Variants in ITGA1 observed in about 807,000 individuals in gnomAD.
ITGA1 encodes the protein integrin subunit alpha 1.
ITGA1 carries 85 observed loss-of-function variants against 145.9 expected under a neutral mutation model. The ratio of observed to expected loss-of-function variants is 0.58; its 90% CI spans 0.49 to 0.70. The LOEUF is 0.70. Among genes scored for constraint, ITGA1 ranks in the 30% least tolerant of loss-of-function variants. ITGA1 has a pLI of 0.00. For missense variants in ITGA1, 1,351 were observed against 1,418.7 expected, an observed-to-expected ratio of 0.95 and a Z score of 0.77; for synonymous variants, 520 against 495.3, an observed-to-expected ratio of 1.05 and a Z score of -0.66.
intron 9 of ITGA1, among the ~76,000 whole-genome samples, chr5:52,895,106 G>GA (rs201714874): frequency 3.4e-4 from 51 of 150,416 alleles, no homozygotes; most frequent in African/African-American, 1.1e-3. Flanking sequence ...CTCTTTCAAT[G>GA]AAAAAAAAAT....
chr5:52,802,481 T>C (rs1271301441), intron 1 of ITGA1: 1 of 152,206 alleles, frequency 6.6e-6, no homozygotes, highest in Admixed American at 6.5e-5. Context: ...TCATATTTGA[T>C]TTAGAGGGTA....
chr5:52,866,977 C>A lies in ITGA1; in HGVS notation c.624+1160C>A, dbSNP rs1385887772. The A allele has an allele frequency of 3.4e-5, 5 of 148,940 alleles. No homozygotes were observed. In the East Asian group the frequency reaches 9.8e-4, roughly 29 times the overall value. The allele number at this position is 148,940 out of a possible 1,614,324, so 9.2% of individuals were successfully genotyped here. ...TGGAGGCTGTAGAGAGCATAGGAGA[C>A]TTTAAGATTATAGTACTGCAATCAA... On this transcript the variant is annotated intron_variant, in intron 6 of 28. Transcript: ENST00000282588.
chr5:52,865,691 A>T lies in ITGA1; in HGVS notation c.498A>T (p.Glu166Asp), dbSNP rs754847322. ...QVVNSIAPVQ[E>D]CSTQLDIVIV... ...GACAATTGACTCCTTTTATTGCAGA[A>T]TGCAGCACTCAACTGGACATAGTCA... Residue 166 changes from glutamate to aspartate, a missense_variant and splice_region_variant, in exon 6 of 29, where the codon GAA becomes GAT. By Grantham distance (45) the Glu-to-Asp change is conservative (BLOSUM62 2). Transcript: ENST00000282588. 2 of 1,546,954 alleles carry T rather than the reference A, an allele frequency of 1.3e-6. No homozygotes were observed. Among genetic ancestry groups the T allele is most frequent in the Admixed American group, 2.2e-5 (1 of 45,682 alleles).
At chr5:52,903,516 A>G (rs1268770764) in intron 11 of ITGA1, 2 of 152,240 alleles carry the variant, frequency 1.3e-5, no homozygotes, top group African/African-American at 4.8e-5. Flanking sequence ...ATAAAGGATA[A>G]TATGCCTGAG....
At chr5:52,835,571 G>T (rs985936409) in intron 1 of ITGA1, among the ~76,000 whole-genome samples, 1 of 152,142 alleles carries the variant, frequency 6.6e-6, no homozygotes, top group Non-Finnish European at 1.5e-5. Flanking sequence ...AGATTGGAAA[G>T]GTCAAATGAG....
At chr5:52,855,571 C>T (rs1161723165) in intron 2 of ITGA1, among the ~76,000 whole-genome samples, 1 of 151,990 alleles carries the variant, frequency 6.6e-6, no homozygotes, top group Non-Finnish European at 1.5e-5. Context: ...TTATATTCTA[C>T]TGGGGAATAG....
At chr5:52,836,279 G>T (rs1411064157) in intron 1 of ITGA1, among the ~76,000 whole-genome samples, 1 of 152,142 alleles carries the variant, frequency 6.6e-6, no homozygotes, top group Non-Finnish European at 1.5e-5. Flanking sequence ...AAGAGGCAAT[G>T]GTCCATCCAG....
At chr5:52,915,723 C>A in intron 15 of ITGA1, 129 bp downstream of exon 15, 1 of 1,124,686 alleles carries the variant, frequency 8.9e-7, no homozygotes, top group Non-Finnish European at 1.3e-6. Context: ...ACAAGTTATT[C>A]AGTTGAGTGA....
chr5:52,828,097 T>C (rs1220918294), intron 1 of ITGA1, among the ~76,000 whole-genome samples: 3 of 152,230 alleles, frequency 2.0e-5, no homozygotes, highest in African/African-American at 7.2e-5. Context: ...TTGTGAATAT[T>C]ACTGCTATGA....
intron 9 of ITGA1, among the ~76,000 whole-genome samples, chr5:52,895,935 T>C (rs1304161499): frequency 6.6e-6 from 1 of 152,216 alleles, no homozygotes; most frequent in Non-Finnish European, 1.5e-5. Context: ...CCTGTCAACA[T>C]GTATCTTAAG....
At position 52,801,186 on chromosome 5, in the gene ITGA1, GT is replaced by G. The variant is rs145206065; in HGVS notation, c.61+12776del. On this transcript the variant is annotated intron_variant, in intron 1 of 28. Transcript: ENST00000282588. ...GGGATTGGTATAAACTACTCCTAAA[GT>G]TTTAGAACTGGGAAAAATAAGAAGA... 8.9e-4 allele frequency: 1,277 copies of G among 1,440,512 alleles called. 13 individuals are homozygous for G. The African/African-American group carries it at 0.016, about 18-fold the overall frequency. 89.2% of individuals were successfully genotyped at this position (1,440,512 alleles called of 1,614,324 possible).
At chr5:52,901,878 T>A (rs2111835520) in intron 11 of ITGA1, 1 of 152,330 alleles carries the variant, frequency 6.6e-6, no homozygotes, top group African/African-American at 2.4e-5. Context: ...CAGAAATTAT[T>A]TCATTAGCTT....
chr5:52,816,325 T>C (rs1282377338), intron 1 of ITGA1, among the ~76,000 whole-genome samples: 1 of 152,220 alleles, frequency 6.6e-6, no homozygotes, highest in Non-Finnish European at 1.5e-5. Context: ...ATAAAGATCA[T>C]TTCTTTATGA....
At chr5:52,889,139 C>G (rs1750103120) in intron 8 of ITGA1, among the ~76,000 whole-genome samples, 1 of 151,476 alleles carries the variant, frequency 6.6e-6, no homozygotes, top group African/African-American at 2.4e-5. Flanking sequence ...CTCGCTCTGT[C>G]ACCCAGGCTG....
At chr5:52,941,157 A>C (rs899274331) in intron 26 of ITGA1, among the ~76,000 whole-genome samples, 17 of 151,834 alleles carry the variant, frequency 1.1e-4, no homozygotes, top group African/African-American at 3.9e-4. Flanking sequence ...ATATGTACAT[A>C]TTTTCTTTAT....
chr5:52,875,729 C>A (rs1749856393), intron 6 of ITGA1, among the ~76,000 whole-genome samples: 1 of 152,174 alleles, frequency 6.6e-6, no homozygotes, highest in Non-Finnish European at 1.5e-5. Context: ...ACCTTTTTAG[C>A]TGTCATCCCT....
chr5:52,878,961 CAAAAAA>C lies in ITGA1; in HGVS notation c.625-2900_625-2895del, dbSNP rs33911483. On this transcript the variant is annotated intron_variant, in intron 6 of 28. Transcript: ENST00000282588. ...GGACCATGGAATCTAGTCTAAGTAC[CAAAAAA>C]AAAAAAAAAAATGGCAGTATTAATG... Among the ~76,000 whole-genome samples, 76 of 130,686 alleles carry C rather than the reference CAAAAAA, an allele frequency of 5.8e-4. 1 individual carries two copies. The highest frequency in any genetic ancestry group is 1.3e-3 in the African/African-American group (48 of 37,968). The allele number at this position is 130,686 out of a possible 152,430, so 85.7% of individuals were successfully genotyped here.
chr5:52,795,865 T>C (rs951034486), intron 1 of ITGA1, among the ~76,000 whole-genome samples: 1 of 152,036 alleles, frequency 6.6e-6, no homozygotes, highest in African/African-American at 2.4e-5. Context: ...ATTAGCTTTA[T>C]TGCGGTCTGG....
chr5:52,826,334 A>G (rs1748961829), intron 1 of ITGA1, among the ~76,000 whole-genome samples: 1 of 152,196 alleles, frequency 6.6e-6, no homozygotes, highest in Admixed American at 6.5e-5. Flanking sequence ...TGCAGAAGAA[A>G]AGTTGGAAGC....
Sources: allele counts gnomAD v4.1 joint callset (sites outside exome capture counted in the v4.1 genomes callset), GRCh38; gene constraint gnomAD v4.1.1; transcripts MANE v1.5; gene names NCBI Gene and HGNC (gene_info 2026-07-23, HGNC 2026-07-21).